Variants in PKHD1 observed in about 807,000 individuals in gnomAD.
PKHD1 encodes PKHD1 ciliary IPT domain containing fibrocystin/polyductin.
Under a neutral mutation model 412.0 loss-of-function variants are expected in PKHD1, and 291 were observed. The observed-to-expected ratio is 0.71, with a 90% CI of 0.64 to 0.78. PKHD1 has a LOEUF of 0.78. PKHD1 is among the 30% of genes least tolerant of loss of function. PKHD1 has a pLI of 0.00. For missense variants in PKHD1, 4,825 were observed against 4,950.7 expected, an observed-to-expected ratio of 0.97 and a Z score of 0.76; for synonymous variants, 1,777 against 1,821.5, an observed-to-expected ratio of 0.98 and a Z score of 0.62.
rs760571939 is a variant in PKHD1 at position 52,025,337 on chromosome 6, C to T, written c.4473G>A (p.Leu1491=). 9 of 1,614,050 alleles carry T rather than the reference C, an allele frequency of 5.6e-6. No individual in the cohort carries two copies. The highest frequency in any genetic ancestry group is 6.8e-6 in the Non-Finnish European group (8 of 1,179,978). Residue 1491 remains leucine, a synonymous_variant, in exon 32 of 67, where the codon TTG becomes TTA. Transcript: ENST00000371117. ...TCAGAGACCCACTGGTGTTTGTGGA[C>T]AAGGCATCCATGACAGGACTTGCCT... The part of the protein sequence containing the change: ...REEASPVMDA[L]STNTSGSLTT...
chr6:51,947,301 A>T (rs866173070), intron 36 of PKHD1, among the ~76,000 whole-genome samples: 1 of 152,146 alleles, frequency 6.6e-6, no homozygotes, highest in African/African-American at 2.4e-5. Flanking sequence ...ATCTCTATTT[A>T]AAAAATCCAA....
chr6:51,763,898 T>G (rs1788470126), intron 55 of PKHD1, among the ~76,000 whole-genome samples: 1 of 151,884 alleles, frequency 6.6e-6, no homozygotes, highest in Non-Finnish European at 1.5e-5. Flanking sequence ...TACTACCCCC[T>G]TAAAAACCTA....
At chr6:51,959,623 C>G (rs1045715900) in intron 36 of PKHD1, among the ~76,000 whole-genome samples, 1 of 152,060 alleles carries the variant, frequency 6.6e-6, no homozygotes, top group African/African-American at 2.4e-5. Flanking sequence ...TTTGAGAACA[C>G]TGTTAACCTT....
chr6:51,887,321 G>A (rs1247098933), intron 43 of PKHD1, 76 bp from the exon 44 acceptor site: 5 of 872,116 alleles, frequency 5.7e-6, no homozygotes, highest in Non-Finnish European at 7.9e-6. Flanking sequence ...ACTCTTGTTT[G>A]TACTCATCCC....
intron 30 of PKHD1, 75 bp downstream of exon 30, chr6:52,028,081 A>G: frequency 6.9e-7 from 1 of 1,439,252 alleles, no homozygotes; most frequent in Admixed American, 1.7e-5. Context: ...AAAATACCTA[A>G]CTCAAAATTA....
At chr6:51,970,521 T>C (rs1793508947) in intron 35 of PKHD1, among the ~76,000 whole-genome samples, 1 of 152,242 alleles carries the variant, frequency 6.6e-6, no homozygotes, top group Non-Finnish European at 1.5e-5. Flanking sequence ...ATAAATACTT[T>C]GCCTAGGCCA....
At chr6:51,698,681 T>A (rs575449098) in intron 60 of PKHD1, among the ~76,000 whole-genome samples, 1 of 152,258 alleles carries the variant, frequency 6.6e-6, no homozygotes, top group South Asian at 2.1e-4. Flanking sequence ...TAGTCCAAAT[T>A]TTCCTGGTGT....
In PKHD1 at chr6:51,981,307, CAAGCT is replaced by C. The variant is rs1562045649; in HGVS notation, c.5752-21286_5752-21282del. Among the ~76,000 whole-genome samples the C allele has an allele frequency of 2.9e-3, 117 of 40,494 alleles. 2 individuals carry two copies. Among genetic ancestry groups the C allele is most frequent in the Non-Finnish European group, 4.5e-3 (64 of 14,204 alleles). 26.6% of individuals were successfully genotyped at this position (40,494 alleles called of 152,430 possible). The stretch of plus-strand genomic sequence containing the variant: ...GCCCTTTTAGAGAGGCTCCAAAGCT[CAAGCT>C]CTCCCTCTCCCTCTCCCTCTCCCTC... On this transcript the variant is annotated intron_variant, in intron 35 of 66. Transcript: ENST00000371117.
chr6:52,024,445 G>T, intron 32 of PKHD1, 129 bp downstream of exon 32: 1 of 866,998 alleles, frequency 1.2e-6, no homozygotes, highest in South Asian at 1.4e-5. Context: ...AATTGGGATT[G>T]TAAGAAGCCA....
At chr6:51,738,967 A>G (rs1441011675) in intron 60 of PKHD1, among the ~76,000 whole-genome samples, 1 of 150,924 alleles carries the variant, frequency 6.6e-6, no homozygotes, top group African/African-American at 2.4e-5. Context: ...AGCCCAAAAC[A>G]CTATTGTATT....
chr6:52,050,597 A>G (rs1806658578), intron 21 of PKHD1, among the ~76,000 whole-genome samples: 1 of 152,180 alleles, frequency 6.6e-6, no homozygotes. Context: ...GCACTCCTAC[A>G]CAGTTAATCT....
chr6:51,730,435 A>G (rs1783100796), intron 60 of PKHD1, among the ~76,000 whole-genome samples: 1 of 152,230 alleles, frequency 6.6e-6, no homozygotes, highest in Non-Finnish European at 1.5e-5. Flanking sequence ...CAAATGGCTC[A>G]ACGTTGCTAT....
At chr6:51,778,518 A>G (rs1462671136) in intron 53 of PKHD1, among the ~76,000 whole-genome samples, 3 of 152,062 alleles carry the variant, frequency 2.0e-5, no homozygotes, top group African/African-American at 7.2e-5. Context: ...ACGTGTGGAT[A>G]TGGAGGAATA....
chr6:51,928,798 A>T (rs889326846), intron 37 of PKHD1, among the ~76,000 whole-genome samples: 9 of 152,166 alleles, frequency 5.9e-5, no homozygotes, highest in African/African-American at 2.2e-4. Context: ...CAGCCAGGGT[A>T]AGGGACTGAG....
chr6:51,649,627 G>T (rs1258253320), intron 61 of PKHD1, among the ~76,000 whole-genome samples: 1 of 152,100 alleles, frequency 6.6e-6, no homozygotes, highest in Non-Finnish European at 1.5e-5. Context: ...ATAATGCCCT[G>T]ATTTGTGGAT....
intron 54 of PKHD1, among the ~76,000 whole-genome samples, chr6:51,775,562 A>G (rs531622307): frequency 1.2e-4 from 19 of 152,082 alleles, no homozygotes; most frequent in African/African-American, 4.6e-4. Flanking sequence ...TTAATCCATA[A>G]TGCTGACACT....
chr6:51,849,274 TACC>T (rs1771759311), intron 49 of PKHD1, among the ~76,000 whole-genome samples: 1 of 152,248 alleles, frequency 6.6e-6, no homozygotes, highest in Non-Finnish European at 1.5e-5. Context: ...GATGTGTATG[TACC>T]ACATTTTCTT....
chr6:52,011,864 G>A (rs1303962182), intron 34 of PKHD1, among the ~76,000 whole-genome samples: 1 of 152,086 alleles, frequency 6.6e-6, no homozygotes, highest in Non-Finnish European at 1.5e-5. Flanking sequence ...ATATCTGAAC[G>A]CAGATTGTTT....
chr6:51,632,814 T>C lies in PKHD1; in HGVS notation c.11507-91A>G, dbSNP rs116369443. 0.021 allele frequency: 19,554 copies of C among 940,544 alleles called. 258 individuals carry two copies. Among genetic ancestry groups the C allele is most frequent in the Non-Finnish European group, 0.025 (14,811 of 600,874 alleles). 58.3% of individuals were successfully genotyped at this position (940,544 alleles called of 1,614,324 possible). On this transcript the variant is annotated intron_variant, in intron 64 of 66. Coordinates refer to ENST00000371117, the MANE Select transcript of PKHD1 (RefSeq NM_138694.4). ...GTAAAAATAAATACATTCATAATAG[T>C]ATCTGGGATATAGTAGGTGTTCAAT...
Sources: gnomAD v4.1 joint callset for allele counts (sites outside exome capture counted in the v4.1 genomes callset) on GRCh38, gnomAD v4.1.1 for gene constraint, MANE v1.5 for transcripts, NCBI Gene and HGNC (gene_info 2026-07-23, HGNC 2026-07-21) for gene names.